PRDM2: variants seen among roughly 807,000 people sequenced by gnomAD.
The protein encoded by PRDM2 is PR/SET domain 2, also known as PR domain zinc finger protein 2.
PRDM2 carries 30 observed loss-of-function variants against 130.0 expected under a neutral mutation model. The ratio of observed to expected loss-of-function variants is 0.23; its 90% CI spans 0.17 to 0.31. PRDM2 has a LOEUF of 0.31. Ranked by LOEUF, PRDM2 falls within the 10% of genes least tolerant of loss-of-function variation. The pLI, the probability that PRDM2 is intolerant of heterozygous loss-of-function variation, is 1.00. For synonymous variants in PRDM2, 871 were observed against 782.4 expected, an observed-to-expected ratio of 1.11 and a Z score of -1.89; for missense variants, 2,011 against 2,108.4, an observed-to-expected ratio of 0.95 and a Z score of 0.90.
chr1:13,744,222 C>T (rs988939925), intron 5 of PRDM2, among the ~76,000 whole-genome samples: 2 of 152,204 alleles, frequency 1.3e-5, no homozygotes, highest in African/African-American at 2.4e-5. Flanking sequence ...GGAGAGTGAA[C>T]TCTGAAGCCA....
chr1:13,790,598 G>T (rs879451969), intron 8 of PRDM2, among the ~76,000 whole-genome samples: 1 of 152,154 alleles, frequency 6.6e-6, no homozygotes, highest in Non-Finnish European at 1.5e-5. Context: ...AGTATTATGG[G>T]ATAAGAAAAA....
intron 9 of PRDM2, among the ~76,000 whole-genome samples, chr1:13,820,204 A>G (rs1023354993): frequency 2.0e-5 from 3 of 152,142 alleles, no homozygotes; most frequent in Non-Finnish European, 4.4e-5. Flanking sequence ...GTTCAGAAAA[A>G]AGGATGGCCT....
intron 6 of PRDM2, among the ~76,000 whole-genome samples, chr1:13,768,657 T>G (rs1569946842): frequency 6.6e-6 from 1 of 152,306 alleles, no homozygotes; most frequent in East Asian, 1.9e-4. Flanking sequence ...GTGCTGGGAT[T>G]ACAGGTGTGA....
chr1:13,717,365 G>C (rs1557596779), intron 2 of PRDM2: 9 of 973,398 alleles, frequency 9.2e-6, no homozygotes, highest in Non-Finnish European at 1.1e-5. Context: ...AAAGGAGCTC[G>C]GTTCTCTGCA....
intron 2 of PRDM2, among the ~76,000 whole-genome samples, chr1:13,720,612 T>C (rs2100432928): frequency 6.6e-6 from 1 of 152,296 alleles, no homozygotes; most frequent in South Asian, 2.1e-4. Context: ...TGGTTACTGG[T>C]TGAAAATAAT....
intron 8 of PRDM2, among the ~76,000 whole-genome samples, chr1:13,789,219 A>G (rs962483579): frequency 1.3e-5 from 2 of 152,246 alleles, no homozygotes; most frequent in Non-Finnish European, 2.9e-5. Flanking sequence ...TTAAAAAATC[A>G]AAAGCTAATT....
intron 8 of PRDM2, among the ~76,000 whole-genome samples, chr1:13,785,989 C>T (rs1044065462): frequency 4.6e-5 from 7 of 151,862 alleles, no homozygotes; most frequent in African/African-American, 1.4e-4. Flanking sequence ...CAGGTGCCCG[C>T]CACCATGCCC....
At chr1:13,719,108 CAATT>C (rs758649571) in intron 2 of PRDM2, among the ~76,000 whole-genome samples, 24 of 152,030 alleles carry the variant, frequency 1.6e-4, no homozygotes, top group Non-Finnish European at 2.5e-4. Flanking sequence ...GCTGTGAAGA[CAATT>C]AAACAAGATC....
chr1:13,704,736 A>G (rs1050423881), intron 1 of PRDM2: 1 of 152,238 alleles, frequency 6.6e-6, no homozygotes, highest in African/African-American at 2.4e-5. Context: ...GCACTTTCAC[A>G]TAATTTAAAT....
Position 13,779,845 on chromosome 1 carries a change from A to G in PRDM2, c.2050A>G (p.Ser684Gly). The change falls in exon 8 of 10, where the codon AGT becomes GGT. Residue 684 changes from serine (S) to glycine (G), a missense_variant. Physicochemically the swap from Ser to Gly is moderately conservative, Grantham distance 56. This residue lies in a region of PRDM2 where 1,288 missense variants were observed against 1,237.7 expected (regional missense o/e 1.04). Transcript: ENST00000311066. This position sits in a 1 kb window ranked among gnomAD's most constrained non-coding sequence, Gnocchi z 4.9. The stretch of plus-strand genomic sequence containing the variant: ...GGCAGTGTCTTTCCACAAAGAGAAA[A>G]GTGTTTATTTGTCATCAAAGCTCAA... ...TEAVSFHKEKSVYLSSKLKQL... is the reference protein window; with the variant it reads ...TEAVSFHKEKGVYLSSKLKQL... The G allele has an allele frequency of 6.2e-7, 1 of 1,614,196 alleles. No homozygotes were observed. The highest frequency in any genetic ancestry group is 8.5e-7 in the Non-Finnish European group (1 of 1,180,046).
chr1:13,782,863 C>G (rs570341345), intron 8 of PRDM2, 32 bp downstream of exon 8: 36 of 1,604,530 alleles, frequency 2.2e-5, no homozygotes, highest in Non-Finnish European at 3.1e-5. Context: ...AGGGAAAGAC[C>G]GGGAAGGCGA....
chr1:13,781,040 C>T lies in PRDM2; in HGVS notation c.3245C>T (p.Ser1082Leu). 6.2e-7 allele frequency: 1 copy of T among 1,610,730 alleles called. No individual in the cohort carries two copies. The highest frequency in any genetic ancestry group is 8.5e-7 in the Non-Finnish European group (1 of 1,176,962). Reference sequence around the variant, plus strand: ...TCTCCACCTCCTCTCTCCGCAATATCATCTGTTGTTTCCTCTGGTGATAAT... The same window carrying T: ...TCTCCACCTCCTCTCTCCGCAATATTATCTGTTGTTTCCTCTGGTGATAAT... ...SPSPPPLSAI[S>L]SVVSSGDNLE... is the part of the protein sequence containing the mutation. Residue 1082 changes from serine (S) to leucine (L), a missense_variant, in exon 8 of 10, where the codon TCA (serine) becomes TTA (leucine). Coordinates refer to ENST00000311066, the MANE Select transcript of PRDM2 (RefSeq NM_001393986.1). The surrounding 1 kb of genome is among the most constrained non-coding windows in gnomAD (Gnocchi z 6.1).
intron 8 of PRDM2, 64 bp from the exon 9 acceptor site, chr1:13,816,363 A>G (rs1645257013): frequency 2.5e-6 from 4 of 1,589,760 alleles, no homozygotes; most frequent in Non-Finnish European, 3.4e-6. Flanking sequence ...AAGCCCCCCC[A>G]GCAATGTCTA....
intron 1 of PRDM2, chr1:13,705,346 G>A (rs192977675): frequency 4.6e-5 from 7 of 152,302 alleles, no homozygotes; most frequent in African/African-American, 7.2e-5. Context: ...AATACAATGA[G>A]TGTTGTGAAA....
intron 1 of PRDM2, among the ~76,000 whole-genome samples, chr1:13,710,782 T>G (rs1642344232): frequency 6.6e-6 from 1 of 152,166 alleles, no homozygotes; most frequent in Non-Finnish European, 1.5e-5. Flanking sequence ...CTTAATTGTT[T>G]AGCACTTCAA....
At chr1:13,715,665 C>A in intron 2 of PRDM2, 51 bp downstream of exon 2, 2 of 1,493,524 alleles carry the variant, frequency 1.3e-6, no homozygotes, top group Non-Finnish European at 1.8e-6. Flanking sequence ...GATGTTAGAC[C>A]AGCTCTTGAT....
intron 8 of PRDM2, among the ~76,000 whole-genome samples, chr1:13,800,852 G>T (rs943749285): frequency 4.6e-5 from 7 of 152,170 alleles, no homozygotes; most frequent in African/African-American, 1.4e-4. Context: ...TTGAGCTCCT[G>T]CTCTGTTCCA....
chr1:13,817,327 A>G (rs1001357870), intron 9 of PRDM2, among the ~76,000 whole-genome samples: 1 of 152,248 alleles, frequency 6.6e-6, no homozygotes, highest in African/African-American at 2.4e-5. Flanking sequence ...GTCCTAATCC[A>G]TAAAATATAA....
chr1:13,729,858 A>G (rs1643046560), intron 2 of PRDM2, among the ~76,000 whole-genome samples: 1 of 152,198 alleles, frequency 6.6e-6, no homozygotes, highest in Non-Finnish European at 1.5e-5. Context: ...GTAGATGACC[A>G]TGTTTATAAT....
Sources: gnomAD v4.1 joint callset for allele counts (sites outside exome capture counted in the v4.1 genomes callset) on GRCh38, gnomAD v4.1.1 for gene constraint, gnomAD v4.1.1 regional missense constraint, Gnocchi (gnomAD v3.1) non-coding constraint, MANE v1.5 for transcripts, NCBI Gene and HGNC (gene_info 2026-07-23, HGNC 2026-07-21) for gene names.